Variants in NEUROD4 observed in about 807,000 individuals in gnomAD.
NEUROD4 encodes the protein neuronal differentiation 4.
NEUROD4 carries 16 observed loss-of-function variants against 19.8 expected under a neutral mutation model. The ratio of observed to expected loss-of-function variants is 0.81; its 90% CI spans 0.55 to 1.23. The LOEUF is 1.23. Among genes scored for constraint, NEUROD4 ranks in the 50% most tolerant of loss-of-function variants. The pLI is 0.00. For missense variants in NEUROD4, 439 were observed against 398.6 expected (o/e 1.10, Z -0.86); for synonymous variants, 153 against 147.9 (o/e 1.03, Z -0.25).
At position 55,020,130 on chromosome 12, in the gene NEUROD4, T is replaced by C. The variant is rs1471443848; in HGVS notation, c.-193T>C. 5 of 151,476 alleles carry C rather than the reference T, an allele frequency of 3.3e-5. No individual in the cohort carries two copies. The highest frequency in any genetic ancestry group is 1.2e-4 in the African/African-American group (5 of 41,140). The allele number at this position is 151,476 out of a possible 1,614,324, so 9.4% of individuals were successfully genotyped here. A position where few individuals can be genotyped will look rare whatever the true frequency, so the allele number is the denominator to read the frequency against. On this transcript the variant is annotated 5_prime_UTR_variant, in exon 1 of 2. Transcript: ENST00000242994. ...AGCATACGGAACTCCAAGGAAGGAG[T>C]AGAATAAGGAGCAGGCAGAGAAACC...
At position 55,027,240 on chromosome 12, in the gene NEUROD4, A is replaced by G. The variant is rs1952744763; in HGVS notation, c.801A>G (p.Gln267=). ...TCAGTGGGAACTTCTCCTTGAAGCAAGATGGGTCTCCTGACCTAGAAAAAT... is the reference window on the plus strand; with the variant it reads ...TCAGTGGGAACTTCTCCTTGAAGCAGGATGGGTCTCCTGACCTAGAAAAAT... The part of the protein sequence containing the change: ...LSISGNFSLK[Q]DGSPDLEKSY... The change falls in exon 2 of 2, where the codon CAA becomes CAG. Residue 267 remains glutamine, a synonymous_variant. Coordinates refer to ENST00000242994, the MANE Select transcript of NEUROD4 (RefSeq NM_021191.3). 1 of 1,614,018 alleles carries G rather than the reference A, an allele frequency of 6.2e-7. No individual in the cohort carries two copies. The highest frequency in any genetic ancestry group is 1.3e-5 in the African/African-American group (1 of 74,918).
intron 1 of NEUROD4, among the ~76,000 whole-genome samples, chr12:55,022,532 A>G (rs1188518580): frequency 6.6e-6 from 1 of 152,166 alleles, no homozygotes; most frequent in Non-Finnish European, 1.5e-5. Context: ...TCTGATAGAC[A>G]CTGCATATTA....
intron 1 of NEUROD4, among the ~76,000 whole-genome samples, chr12:55,022,587 C>T (rs1440688859): frequency 1.3e-5 from 2 of 151,974 alleles, no homozygotes; most frequent in Non-Finnish European, 1.5e-5. Flanking sequence ...AAATTGTATT[C>T]GCAATACAGA....
At chr12:55,026,092 C>A (rs906055105) in intron 1 of NEUROD4, among the ~76,000 whole-genome samples, 6 of 152,098 alleles carry the variant, frequency 3.9e-5, no homozygotes, top group African/African-American at 1.4e-4. Context: ...ATACTCACCT[C>A]ATTTTTTCCC....
chr12:55,026,521 C>T lies in NEUROD4; in HGVS notation c.82C>T (p.Gln28Ter). ...CTGGATGGATAAAGGTCTGGGCTCC[C>T]AAAATGAGGTGAAGGAGGAAGAGAG... Reference protein sequence around the residue: ...PSWMDKGLGSQNEVKEEESRP... With the variant: ...PSWMDKGLGS Residue 28 changes from glutamine (Q) to a stop codon, truncating the protein, a stop_gained, in exon 2 of 2, where the codon CAA becomes TAA. Transcript: ENST00000242994. LOFTEE classifies it high-confidence loss of function. The T allele has an allele frequency of 1.9e-6, 3 of 1,613,876 alleles. No homozygotes were observed. Among genetic ancestry groups the T allele is most frequent in the Non-Finnish European group, 2.5e-6 (3 of 1,179,932 alleles).
At chr12:55,023,704 C>G (rs1343690553) in intron 1 of NEUROD4, among the ~76,000 whole-genome samples, 1 of 152,148 alleles carries the variant, frequency 6.6e-6, no homozygotes, top group Non-Finnish European at 1.5e-5. Context: ...AAACTGGAGC[C>G]ATCTGTGTCC....
intron 1 of NEUROD4, among the ~76,000 whole-genome samples, chr12:55,024,262 TAGA>T (rs751294103): frequency 1.3e-5 from 2 of 152,262 alleles, no homozygotes; most frequent in South Asian, 2.1e-4. Context: ...ATAGCTGTGA[TAGA>T]AGAAGAACAA....
At position 55,027,243 on chromosome 12, in the gene NEUROD4, T is replaced by C. The variant is rs768244201; in HGVS notation, c.804T>C (p.Asp268=). ...GTGGGAACTTCTCCTTGAAGCAAGATGGGTCTCCTGACCTAGAAAAATCCT... is the reference window on the plus strand; with the variant it reads ...GTGGGAACTTCTCCTTGAAGCAAGACGGGTCTCCTGACCTAGAAAAATCCT... ...SISGNFSLKQ[D]GSPDLEKSYS... The change falls in exon 2 of 2, where the codon GAT becomes GAC. Residue 268 remains aspartate, a synonymous_variant. Transcript: ENST00000242994. 1 of 1,614,148 alleles carries C rather than the reference T, an allele frequency of 6.2e-7. No individual in the cohort carries two copies. Among genetic ancestry groups the C allele is most frequent in the South Asian group, 1.1e-5 (1 of 91,082 alleles).
rs763246217 is a variant in NEUROD4, at chr12:55,027,350, G to A, written c.911G>A (p.Arg304His). 19 of 1,613,894 alleles carry A rather than the reference G, an allele frequency of 1.2e-5. No homozygotes were observed. Among genetic ancestry groups the A allele is most frequent in the East Asian group, 4.5e-5 (2 of 44,888 alleles). Reference sequence around the variant, plus strand: ...ACTCCTTTTCAGGCTGGTACCCCCCGTTATGATGTTCCTATAGACATGTCC... The same window carrying A: ...ACTCCTTTTCAGGCTGGTACCCCCCATTATGATGTTCCTATAGACATGTCC... ...HSTPFQAGTP[R>H]YDVPIDMSYD... Residue 304 changes from arginine (R) to histidine (H), a missense_variant, in exon 2 of 2, where the codon CGT becomes CAT. By Grantham distance (29) the Arg-to-His change is conservative (BLOSUM62 0). Transcript: ENST00000242994.
At chr12:55,026,146 G>A (rs1337739952) in intron 1 of NEUROD4, among the ~76,000 whole-genome samples, 4 of 151,816 alleles carry the variant, frequency 2.6e-5, no homozygotes, top group African/African-American at 9.7e-5. Context: ...TATATCTTTG[G>A]ACTGGTATAT....
At chr12:55,025,216 T>C (rs2136239679) in intron 1 of NEUROD4, among the ~76,000 whole-genome samples, 1 of 152,338 alleles carries the variant, frequency 6.6e-6, no homozygotes, top group Middle Eastern at 3.4e-3. Flanking sequence ...AAATCACTAG[T>C]CTCTTCTGGT....
rs778487708 is a variant in NEUROD4, at chr12:55,027,385, T to C, written c.946T>C (p.Tyr316His). ...DVPIDMSYDS[Y>H]PHHGIGTQLN... ...TCCTATAGACATGTCCTATGATTCC[T>C]ACCCCCATCATGGTATTGGGACCCA... The change falls in exon 2 of 2, where the codon TAC (tyrosine) becomes CAC (histidine). Residue 316 changes from tyrosine to histidine, a missense_variant. Tyr to His is a moderately conservative substitution (Grantham distance 83). Transcript: ENST00000242994. The C allele has an allele frequency of 1.2e-6, 2 of 1,613,658 alleles. No individual in the cohort carries two copies. The highest frequency in any genetic ancestry group is 2.2e-5 in the East Asian group (1 of 44,882).
Position 55,027,612 on chromosome 12 carries a change from G to T in NEUROD4, c.*177G>T. Reference sequence around the variant, plus strand: ...TCTTTTCTCATCACCTTCTCACATTGCATTGATTTCTTTATAGAGTCCTCA... The same window carrying T: ...TCTTTTCTCATCACCTTCTCACATTTCATTGATTTCTTTATAGAGTCCTCA... On this transcript the variant is annotated 3_prime_UTR_variant, in exon 2 of 2. Transcript: ENST00000242994. The T allele has an allele frequency of 3.3e-6, 2 of 610,462 alleles. No individual in the cohort carries two copies. Among genetic ancestry groups the T allele is most frequent in the Non-Finnish European group, 5.8e-6 (2 of 345,084 alleles). The allele number at this position is 610,462 out of a possible 1,614,324, so 37.8% of individuals were successfully genotyped here.
Position 55,025,747 on chromosome 12 carries a change from T to G in NEUROD4, c.-9-684T>G, listed in dbSNP as rs537195010. Among the ~76,000 whole-genome samples the G allele has an allele frequency of 1.4e-4, 22 of 152,312 alleles. No homozygotes were observed. In the South Asian group the frequency reaches 4.6e-3, roughly 32 times the overall value. ...GTGAGAGTAATGTTTGATGGTCACA[T>G]GTTGGACCAGCCAGTTGTGTCATGG... On this transcript the variant is annotated intron_variant, in intron 1 of 1. Coordinates refer to ENST00000242994, the MANE Select transcript of NEUROD4 (RefSeq NM_021191.3).
chr12:55,024,587 G>A (rs1483941074), intron 1 of NEUROD4, among the ~76,000 whole-genome samples: 1 of 152,196 alleles, frequency 6.6e-6, no homozygotes, highest in Non-Finnish European at 1.5e-5. Flanking sequence ...GCCTCTGGAA[G>A]AGCTGTGTTA....
In NEUROD4 at chr12:55,027,106, C is replaced by T; in HGVS notation, c.667C>T (p.His223Tyr). The T allele has an allele frequency of 6.2e-7, 1 of 1,614,180 alleles. No homozygotes were observed. The highest frequency in any genetic ancestry group is 8.5e-7 in the Non-Finnish European group (1 of 1,180,010). ...TGGTCATATGGAAACACATCTCCTTCATCTCAAGCCCCAAGTATTCAAGAG... is the reference window on the plus strand; with the variant it reads ...TGGTCATATGGAAACACATCTCCTTTATCTCAAGCCCCAAGTATTCAAGAG... ...PYGHMETHLL[H>Y]LKPQVFKSLG... Residue 223 changes from histidine (H) to tyrosine (Y), a missense_variant, in exon 2 of 2, where the codon CAT (histidine) becomes TAT (tyrosine). By Grantham distance (83) the His-to-Tyr change is moderately conservative. Coordinates refer to ENST00000242994, the MANE Select transcript of NEUROD4 (RefSeq NM_021191.3).
intron 1 of NEUROD4, among the ~76,000 whole-genome samples, chr12:55,025,389 A>T (rs1312039424): frequency 6.6e-6 from 1 of 152,148 alleles, no homozygotes; most frequent in Non-Finnish European, 1.5e-5. Flanking sequence ...TATTTGTTCC[A>T]GATTTTTCAT....
Position 55,026,652 on chromosome 12 carries a change from TCC to T in NEUROD4, c.215_216del (p.Pro72GlnfsTer11). 1.2e-6 allele frequency: 2 copies of T among 1,613,124 alleles called. No homozygotes were observed. The highest frequency in any genetic ancestry group is 1.7e-6 in the Non-Finnish European group (2 of 1,179,726). ...ATGGGGAGAAACCTAAGAGAAGGGG[TCC>T]CAAGAAAAAGAAGATGACCAAAGCT... is the stretch of plus-strand genomic sequence containing the variant. ...EDGEKPKRRG[P>X]KKKKMTKARL... On this transcript the variant is annotated frameshift_variant, in exon 2 of 2. Coordinates refer to ENST00000242994, the MANE Select transcript of NEUROD4 (RefSeq NM_021191.3). LOFTEE classifies it high-confidence loss of function.
Position 55,022,624 on chromosome 12 carries a change from G to T in NEUROD4, c.-10+2311G>T, listed in dbSNP as rs369821506. On this transcript the variant is annotated intron_variant, in intron 1 of 1. Transcript: ENST00000242994. ...GGTTCATGAATCTGAAAATGTATGTGATTGAATAGGAGTGTCAAGCTAACT... is the reference window on the plus strand; with the variant it reads ...GGTTCATGAATCTGAAAATGTATGTTATTGAATAGGAGTGTCAAGCTAACT... 4.1e-4 allele frequency among the ~76,000 whole-genome samples: 62 copies of T among 152,192 alleles called. 1 individual carries two copies. The South Asian group carries it at 0.012, about 30-fold the overall frequency.
Sources: gnomAD v4.1 joint callset for allele counts (sites outside exome capture counted in the v4.1 genomes callset) on GRCh38, gnomAD v4.1.1 for gene constraint, MANE v1.5 for transcripts, NCBI Gene and HGNC (gene_info 2026-07-23, HGNC 2026-07-21) for gene names.